Variants in GDPD1 observed in about 807,000 individuals in gnomAD.
GDPD1 encodes glycerophosphodiester phosphodiesterase domain containing 1, also known as lysophospholipase D GDPD1.
In GDPD1, 28 loss-of-function variants were observed where a neutral mutation model predicts 45.1. The ratio of observed to expected loss-of-function variants is 0.62; its 90% CI spans 0.46 to 0.85. GDPD1 has a LOEUF of 0.85. GDPD1 is among the 40% of genes least tolerant of loss of function. The pLI, the probability that GDPD1 is intolerant of heterozygous loss-of-function variation, is 0.00. For synonymous variants in GDPD1, 139 were observed against 131.4 expected (o/e 1.06, Z -0.40); for missense variants, 256 against 364.8 (o/e 0.70, Z 2.43).
intron 9 of GDPD1, 134 bp downstream of exon 9, chr17:59,272,970 A>C: frequency 6.4e-7 from 1 of 1,562,442 alleles, no homozygotes; most frequent in South Asian, 1.2e-5. Context: ...TCCACAAATG[A>C]GGACCTTAAG....
intron 1 of GDPD1, 123 bp from the exon 2 acceptor site, chr17:59,234,369 A>T (rs1160523476): frequency 3.9e-5 from 25 of 639,122 alleles, no homozygotes; most frequent in Non-Finnish European, 2.7e-6. Context: ...CCAAAAAAAC[A>T]CTTGTAATGT....
At chr17:59,271,057 C>A in intron 8 of GDPD1, 62 bp downstream of exon 8, 1 of 994,056 alleles carries the variant, frequency 1.0e-6, no homozygotes, top group Non-Finnish European at 1.6e-6. Flanking sequence ...TAAATACTAC[C>A]CTTAAAATGT....
rs1346795097 is a variant in GDPD1, at chr17:59,274,971, A to C, written c.*1198A>C. The C allele has an allele frequency of 1.9e-6, 1 of 518,292 alleles. No homozygotes were observed. The highest frequency in any genetic ancestry group is 1.9e-5 in the African/African-American group (1 of 51,584). 32.1% of individuals were successfully genotyped at this position (518,292 alleles called of 1,614,324 possible). A position where few individuals can be genotyped will look rare whatever the true frequency, so the allele number is the denominator to read the frequency against. ...ATTCTCCTGCCTCTGCCTCCCGAGT[A>C]CCTGGGATTACAGGTGCCTGCTACC... On this transcript the variant is annotated 3_prime_UTR_variant, in exon 10 of 10. Coordinates refer to ENST00000284116, the MANE Select transcript of GDPD1 (RefSeq NM_182569.4).
intron 7 of GDPD1, among the ~76,000 whole-genome samples, chr17:59,270,587 A>G (rs958643682): frequency 6.6e-6 from 1 of 152,188 alleles, no homozygotes; most frequent in African/African-American, 2.4e-5. Flanking sequence ...AATTTGCCAC[A>G]TACTAAATTG....
intron 1 of GDPD1, among the ~76,000 whole-genome samples, chr17:59,221,942 A>T (rs1476317749): frequency 6.6e-6 from 1 of 152,180 alleles, no homozygotes; most frequent in Non-Finnish European, 1.5e-5. Flanking sequence ...TTTATTAGTT[A>T]AGCATAGTTC....
chr17:59,220,650 G>C lies in GDPD1; in HGVS notation c.41G>C (p.Gly14Ala), dbSNP rs1375402732. Reference protein sequence around the residue: ...TAAFYLLSTLGGYLVTSFLLL... With the variant: ...TAAFYLLSTLAGYLVTSFLLL... The stretch of plus-strand genomic sequence containing the variant: ...GCTTTTTACCTTCTCTCTACGCTAG[G>C]AGGATACTTGGTGACCTCATTCTTG... Residue 14 changes from glycine (G) to alanine (A), a missense_variant, in exon 1 of 10, where the codon GGA becomes GCA. By Grantham distance (60) the Gly-to-Ala change is moderately conservative (BLOSUM62 0). Coordinates refer to ENST00000284116, the MANE Select transcript of GDPD1 (RefSeq NM_182569.4). 6.2e-7 allele frequency: 1 copy of C among 1,614,134 alleles called. No individual in the cohort carries two copies. The highest frequency in any genetic ancestry group is 1.7e-5 in the Admixed American group (1 of 60,018).
At chr17:59,272,973 A>G in intron 9 of GDPD1, 137 bp downstream of exon 9, 1 of 1,555,252 alleles carries the variant, frequency 6.4e-7, no homozygotes, top group East Asian at 2.3e-5. Flanking sequence ...ACAAATGAGG[A>G]CCTTAAGCTC....
intron 2 of GDPD1, among the ~76,000 whole-genome samples, chr17:59,235,401 G>C (rs993880684): frequency 2.0e-5 from 3 of 152,042 alleles, no homozygotes; most frequent in African/African-American, 7.2e-5. Context: ...CAAAGCTATT[G>C]TTTTTTCATA....
At chr17:59,222,271 ATC>A (rs1431878705) in intron 1 of GDPD1, among the ~76,000 whole-genome samples, 1 of 151,964 alleles carries the variant, frequency 6.6e-6, no homozygotes, top group Admixed American at 6.6e-5. Flanking sequence ...CAGTGGCGCG[ATC>A]TCGGCTCACT....
chr17:59,225,657 C>T (rs185317656), intron 1 of GDPD1, among the ~76,000 whole-genome samples: 235 of 151,344 alleles, frequency 1.6e-3, no homozygotes, highest in African/African-American at 5.6e-3. Context: ...TTTAAAACTA[C>T]ACAAATACCC....
At chr17:59,246,370 G>A (rs1597975265) in intron 3 of GDPD1, among the ~76,000 whole-genome samples, 1 of 151,976 alleles carries the variant, frequency 6.6e-6, no homozygotes, top group Non-Finnish European at 1.5e-5. Context: ...TGTAATCTCA[G>A]TACTTTGGGA....
chr17:59,224,573 C>T (rs2047031533), intron 1 of GDPD1, among the ~76,000 whole-genome samples: 2 of 149,408 alleles, frequency 1.3e-5, no homozygotes, highest in Admixed American at 1.3e-4. Flanking sequence ...GGCAGTGAGC[C>T]GAGATCGCGC....
chr17:59,258,048 T>C lies in GDPD1; in HGVS notation c.576+208T>C, dbSNP rs184058021. On this transcript the variant is annotated intron_variant, in intron 6 of 9. Coordinates refer to ENST00000284116, the MANE Select transcript of GDPD1 (RefSeq NM_182569.4). Reference sequence around the variant, plus strand: ...CTCAAGTGATCCTCCTGCCTCAGCCTCTCAAGTAGCTGGGACTACAGGCAC... The same window carrying C: ...CTCAAGTGATCCTCCTGCCTCAGCCCCTCAAGTAGCTGGGACTACAGGCAC... Among the ~76,000 whole-genome samples, 78 of 152,118 alleles carry C rather than the reference T, an allele frequency of 5.1e-4. 1 individual carries two copies. In the East Asian group the frequency reaches 0.013, roughly 25 times the overall value.
chr17:59,243,854 A>C (rs1436521556), intron 2 of GDPD1, among the ~76,000 whole-genome samples: 3 of 152,208 alleles, frequency 2.0e-5, no homozygotes, highest in Admixed American at 1.3e-4. Context: ...ACATGGCTCC[A>C]TTCCCCTCAT....
At chr17:59,260,796 T>TA (rs2047349795) in intron 6 of GDPD1, 1 of 152,172 alleles carries the variant, frequency 6.6e-6, no homozygotes, top group South Asian at 2.1e-4. Flanking sequence ...TACAACCAGT[T>TA]ACAGATTTCT....
At chr17:59,258,517 TG>T (rs1391805236) in intron 6 of GDPD1, among the ~76,000 whole-genome samples, 1 of 152,086 alleles carries the variant, frequency 6.6e-6, no homozygotes, top group Admixed American at 6.6e-5. Flanking sequence ...CACTCCAGTC[TG>T]GGCAACAGAG....
intron 6 of GDPD1, among the ~76,000 whole-genome samples, chr17:59,264,388 G>A (rs1323520199): frequency 6.6e-6 from 1 of 151,922 alleles, no homozygotes; most frequent in Non-Finnish European, 1.5e-5. Flanking sequence ...CCACCTCCCA[G>A]GTTCAAGCAA....
intron 8 of GDPD1, among the ~76,000 whole-genome samples, chr17:59,271,278 CA>C (rs2047442076): frequency 6.6e-6 from 1 of 152,144 alleles, no homozygotes; most frequent in African/African-American, 2.4e-5. Context: ...TAGTTAGTAG[CA>C]GAACTAGGTT....
At chr17:59,234,899 C>G (rs1387892115) in intron 2 of GDPD1, among the ~76,000 whole-genome samples, 1 of 151,236 alleles carries the variant, frequency 6.6e-6, no homozygotes, top group Non-Finnish European at 1.5e-5. Flanking sequence ...GATTATGTGT[C>G]TTTGTACCCA....
Sources: allele counts gnomAD v4.1 joint callset (sites outside exome capture counted in the v4.1 genomes callset), GRCh38; gene constraint gnomAD v4.1.1; transcripts MANE v1.5; gene names NCBI Gene and HGNC (gene_info 2026-07-23, HGNC 2026-07-21).